Variants in ZNF804B observed in about 807,000 individuals in gnomAD.
The protein encoded by ZNF804B is zinc finger protein 804B.
ZNF804B carries 80 observed loss-of-function variants against 101.4 expected under a neutral mutation model. That is an observed-to-expected ratio of 0.79 (90% CI 0.66 to 0.95). ZNF804B has a LOEUF of 0.95. Among genes scored for constraint, ZNF804B ranks in the 40% least tolerant of loss-of-function variants. ZNF804B has a pLI of 0.00. For synonymous variants in ZNF804B, 622 were observed against 558.8 expected (o/e 1.11, Z -1.59); for missense variants, 1,673 against 1,561.9 (o/e 1.07, Z -1.20).
At chr7:89,037,885 C>T (rs990793999) in intron 1 of ZNF804B, among the ~76,000 whole-genome samples, 24 of 152,202 alleles carry the variant, frequency 1.6e-4, no homozygotes, top group African/African-American at 5.1e-4. Context: ...TTAGATACCA[C>T]GCATGAATAA....
chr7:89,247,541 A>G (rs1789469014), intron 2 of ZNF804B, among the ~76,000 whole-genome samples: 2 of 152,178 alleles, frequency 1.3e-5, no homozygotes, highest in South Asian at 4.1e-4. Flanking sequence ...ATAACCAGGG[A>G]TGGGTAAAGG....
intron 1 of ZNF804B, among the ~76,000 whole-genome samples, chr7:88,791,787 A>G (rs1282527673): frequency 6.6e-6 from 1 of 152,096 alleles, no homozygotes; most frequent in East Asian, 1.9e-4. Flanking sequence ...CATATGTATT[A>G]TTTTTCCACA....
At chr7:88,892,274 A>G (rs1394918852) in intron 1 of ZNF804B, among the ~76,000 whole-genome samples, 1 of 151,874 alleles carries the variant, frequency 6.6e-6, no homozygotes, top group Non-Finnish European at 1.5e-5. Flanking sequence ...ATTTTTCTTT[A>G]TTCTTGAAGT....
chr7:89,247,377 C>T (rs1245231875), intron 2 of ZNF804B, among the ~76,000 whole-genome samples: 1 of 152,158 alleles, frequency 6.6e-6, no homozygotes, highest in Admixed American at 6.5e-5. Context: ...CAGGTGTATA[C>T]CGAGCTGTGT....
rs557026618 is a variant in ZNF804B, at chr7:88,921,600, T to A, written c.108+161516T>A. ...AAATCCTAAACCATGGACCACCTAA[T>A]AAAACATTTATATACATTAGGATTC... On this transcript the variant is annotated intron_variant, in intron 1 of 3. Transcript: ENST00000333190. Among the ~76,000 whole-genome samples, 40 of 152,218 alleles carry A rather than the reference T, an allele frequency of 2.6e-4. No individual in the cohort carries two copies. In the South Asian group the frequency reaches 8.3e-3, roughly 32 times the overall value.
At chr7:88,844,961 G>T (rs894402391) in intron 1 of ZNF804B, among the ~76,000 whole-genome samples, 1 of 152,142 alleles carries the variant, frequency 6.6e-6, no homozygotes, top group South Asian at 2.1e-4. Flanking sequence ...CGAGCTGGAA[G>T]TTCTCTCATT....
At chr7:89,243,265 A>T (rs1415112486) in intron 2 of ZNF804B, among the ~76,000 whole-genome samples, 1 of 149,558 alleles carries the variant, frequency 6.7e-6, no homozygotes, top group African/African-American at 2.4e-5. Flanking sequence ...AAAATTAGTC[A>T]TTTGGGGCAA....
Position 89,180,972 on chromosome 7 carries a change from C to T in ZNF804B, c.109-37183C>T, listed in dbSNP as rs79053150. Among the ~76,000 whole-genome samples the T allele has an allele frequency of 6.7e-4, 101 of 151,216 alleles. No individual in the cohort carries two copies. The East Asian group carries it at 9.4e-3, about 14-fold the overall frequency. Reference sequence around the variant, plus strand: ...GAGTCACCCTCTGGCTAGTGCTGGCCTGAATGCTCCCTCTGTGGGTATTGG... The same window carrying T: ...GAGTCACCCTCTGGCTAGTGCTGGCTTGAATGCTCCCTCTGTGGGTATTGG... On this transcript the variant is annotated intron_variant, in intron 1 of 3. Transcript: ENST00000333190.
intron 1 of ZNF804B, among the ~76,000 whole-genome samples, chr7:89,033,622 C>T (rs970190564): frequency 7.3e-5 from 11 of 151,716 alleles, no homozygotes; most frequent in African/African-American, 2.7e-4. Context: ...AAATATAGTT[C>T]GTTTCCCATT....
intron 1 of ZNF804B, chr7:88,794,741 A>C: frequency 6.2e-7 from 1 of 1,613,542 alleles, no homozygotes. Flanking sequence ...TGTTCATAGT[A>C]GTCAGCAACA....
chr7:88,930,677 G>A (rs1792869857), intron 1 of ZNF804B, among the ~76,000 whole-genome samples: 1 of 151,816 alleles, frequency 6.6e-6, no homozygotes, highest in Non-Finnish European at 1.5e-5. Context: ...GAGAAGGAGA[G>A]TTAATGGCCT....
intron 3 of ZNF804B, among the ~76,000 whole-genome samples, chr7:89,332,013 T>C (rs1170371686): frequency 6.6e-6 from 1 of 151,318 alleles, no homozygotes; most frequent in Middle Eastern, 3.2e-3. Flanking sequence ...TATATATTAA[T>C]ATACATGTAT....
chr7:88,798,447 A>G (rs1013142847), intron 1 of ZNF804B, among the ~76,000 whole-genome samples: 1 of 152,166 alleles, frequency 6.6e-6, no homozygotes, highest in Admixed American at 6.6e-5. Flanking sequence ...AAGTCAAAAA[A>G]GGCAAGTAGA....
At chr7:89,242,279 A>C (rs540850551) in intron 2 of ZNF804B, among the ~76,000 whole-genome samples, 4 of 152,012 alleles carry the variant, frequency 2.6e-5, no homozygotes, top group Non-Finnish European at 5.9e-5. Flanking sequence ...GTTAGGCCTT[A>C]AAGTGGCTTT....
At chr7:89,285,546 A>AAAAAAAAAAAAAAAAAAAAAAAAAAG (rs1554389597) in intron 2 of ZNF804B, among the ~76,000 whole-genome samples, 3 of 93,422 alleles carry the variant, frequency 3.2e-5, no homozygotes, top group Non-Finnish European at 4.1e-5. Context: ...AAAAAAAAAA[A>AAAAAAAAAAAAAAAAAAAAAAAAAAG]AAGAAGAAGA....
intron 1 of ZNF804B, among the ~76,000 whole-genome samples, chr7:88,937,578 TA>T (rs1345190861): frequency 6.6e-6 from 1 of 151,916 alleles, no homozygotes; most frequent in African/African-American, 2.4e-5. Flanking sequence ...AGAAATGATA[TA>T]AAAATAGAGT....
At position 88,956,845 on chromosome 7, in the gene ZNF804B, A is replaced by G. The variant is rs916813894; in HGVS notation, c.108+196761A>G. On this transcript the variant is annotated intron_variant, in intron 1 of 3. Coordinates refer to ENST00000333190, the MANE Select transcript of ZNF804B (RefSeq NM_181646.5). Reference sequence around the variant, plus strand: ...ATTCTGTACAAATGCTAGCAACTCTATTTTACTTTTGTTGCATACACTTTT... The same window carrying G: ...ATTCTGTACAAATGCTAGCAACTCTGTTTTACTTTTGTTGCATACACTTTT... 4.0e-5 allele frequency among the ~76,000 whole-genome samples: 6 copies of G among 151,486 alleles called. No individual in the cohort carries two copies. In the South Asian group the frequency reaches 6.2e-4, roughly 16 times the overall value.
chr7:89,212,166 A>G (rs976699016), intron 1 of ZNF804B, among the ~76,000 whole-genome samples: 6 of 151,892 alleles, frequency 4.0e-5, no homozygotes, highest in Non-Finnish European at 7.4e-5. Context: ...ACCTGCCCAA[A>G]TTTCCATCAG....
intron 1 of ZNF804B, among the ~76,000 whole-genome samples, chr7:88,902,063 G>T (rs1283519354): frequency 6.6e-6 from 1 of 151,894 alleles, no homozygotes; most frequent in Admixed American, 6.6e-5. Flanking sequence ...TAATTGCATA[G>T]ATATTACAAC....
Sources: allele counts gnomAD v4.1 joint callset (sites outside exome capture counted in the v4.1 genomes callset), GRCh38; gene constraint gnomAD v4.1.1; transcripts MANE v1.5; gene names NCBI Gene and HGNC (gene_info 2026-07-23, HGNC 2026-07-21).